LINGO2: variants seen among roughly 807,000 people sequenced by gnomAD.
The protein encoded by LINGO2 is leucine rich repeat and Ig domain containing 2.
In LINGO2, 14 loss-of-function variants were observed where a neutral mutation model predicts 30.6. The ratio of observed to expected loss-of-function variants is 0.46; its 90% confidence interval spans 0.30 to 0.72. The LOEUF (loss-of-function observed/expected upper bound fraction) is 0.72. Among genes scored for constraint, LINGO2 ranks in the 30% least tolerant of loss-of-function variants. LINGO2 has a pLI of 0.07. For missense variants in LINGO2, 729 were observed against 751.7 expected (o/e 0.97, Z 0.35); for synonymous variants, 317 against 288.5 (o/e 1.10, Z -1.00).
chr9:28,225,735 A>G (rs1451154086), intron 4 of LINGO2, among the ~76,000 whole-genome samples: 4 of 152,182 alleles, frequency 2.6e-5, no homozygotes, highest in African/African-American at 9.6e-5. Context: ...AAACCTCATG[A>G]AAATTATAAA....
the LINGO2 span, among the ~76,000 whole-genome samples, chr9:28,714,212 C>T: frequency 6.7e-3 from 929 of 139,356 alleles, 18 homozygotes; most frequent in South Asian, 0.03. Context: ...CACACACATA[C>T]GCACATATAC....
the LINGO2 span, among the ~76,000 whole-genome samples, chr9:28,846,615 T>C: frequency 3.4e-5 from 5 of 147,752 alleles, no homozygotes; most frequent in Admixed American, 3.4e-4. Context: ...CTATCAAGAA[T>C]GTCACTGGAT....
chr9:28,840,318 G>A, the LINGO2 span, among the ~76,000 whole-genome samples: 21 of 151,852 alleles, frequency 1.4e-4, 1 homozygote, highest in African/African-American at 3.9e-4. Context: ...TGCTGCAGCC[G>A]GCATCTTTGC....
chr9:28,056,387 C>T (rs946603978), intron 4 of LINGO2, among the ~76,000 whole-genome samples: 3 of 152,102 alleles, frequency 2.0e-5, no homozygotes, highest in Admixed American at 1.3e-4. Context: ...AGATCACGAC[C>T]CTCATTCTTT....
At chr9:28,298,906 A>G (rs1824029217) in intron 3 of LINGO2, among the ~76,000 whole-genome samples, 1 of 152,212 alleles carries the variant, frequency 6.6e-6, no homozygotes, top group African/African-American at 2.4e-5. Flanking sequence ...AAATTCTAAC[A>G]TGTACAAACG....
chr9:27,994,969 T>G (rs1821585045), intron 5 of LINGO2, among the ~76,000 whole-genome samples: 1 of 152,152 alleles, frequency 6.6e-6, no homozygotes, highest in Admixed American at 6.5e-5. Flanking sequence ...TTTGGCTAAA[T>G]TAGTCACTTG....
chr9:28,425,025 T>C (rs1823347097), intron 2 of LINGO2, among the ~76,000 whole-genome samples: 2 of 152,038 alleles, frequency 1.3e-5, no homozygotes, highest in Non-Finnish European at 2.9e-5. Flanking sequence ...TAATGTCTCA[T>C]GTACAGTAGG....
chr9:28,864,497 T>C, the LINGO2 span, among the ~76,000 whole-genome samples: 1 of 152,136 alleles, frequency 6.6e-6, no homozygotes, highest in Non-Finnish European at 1.5e-5. Context: ...AAAGAAAGGT[T>C]TCATTTATAA....
At chr9:28,581,920 AAT>A (rs1365435196) in intron 1 of LINGO2, among the ~76,000 whole-genome samples, 1 of 151,932 alleles carries the variant, frequency 6.6e-6, no homozygotes, top group African/African-American at 2.4e-5. Flanking sequence ...ATTTTTTATT[AAT>A]GTTAGTCTAA....
the LINGO2 span, among the ~76,000 whole-genome samples, chr9:29,042,939 G>A: frequency 2.6e-5 from 4 of 151,852 alleles, no homozygotes; most frequent in South Asian, 2.1e-4. Flanking sequence ...GGGTGTCAGG[G>A]TAGCAATGGT....
At chr9:28,237,436 C>G (rs1185628253) in intron 4 of LINGO2, among the ~76,000 whole-genome samples, 1 of 152,000 alleles carries the variant, frequency 6.6e-6, no homozygotes, top group Non-Finnish European at 1.5e-5. Flanking sequence ...GAGTAAGTCA[C>G]CACTTATCTG....
chr9:27,980,513 A>G (rs1563877672), intron 5 of LINGO2, among the ~76,000 whole-genome samples: 1 of 151,980 alleles, frequency 6.6e-6, no homozygotes, highest in Non-Finnish European at 1.5e-5. Flanking sequence ...TTTAAAGGGA[A>G]TATCTTCAAT....
At chr9:28,089,084 A>G (rs1301360763) in intron 4 of LINGO2, among the ~76,000 whole-genome samples, 1 of 152,190 alleles carries the variant, frequency 6.6e-6, no homozygotes, top group African/African-American at 2.4e-5. Context: ...AGAGACCTAC[A>G]AAGAGACTTA....
At chr9:28,318,823 C>G (rs963145358) in intron 3 of LINGO2, among the ~76,000 whole-genome samples, 2 of 152,098 alleles carry the variant, frequency 1.3e-5, no homozygotes, top group Non-Finnish European at 2.9e-5. Context: ...TTCTTGGGTG[C>G]TTTCTCTAGG....
rs867187444 is a variant in LINGO2, at chr9:27,973,983, T to C, written c.-35-23277A>G. On this transcript the variant is annotated intron_variant, in intron 5 of 5. Coordinates refer to ENST00000379992, the Ensembl canonical transcript of LINGO2. Reference sequence around the variant, plus strand: ...TTAACTCCACCCTTTTCTCTTCTACTCAAGAGTACAAATGGACTCAAGAGT... The same window carrying C: ...TTAACTCCACCCTTTTCTCTTCTACCCAAGAGTACAAATGGACTCAAGAGT... 2.6e-5 allele frequency among the ~76,000 whole-genome samples: 4 copies of C among 152,250 alleles called. No individual in the cohort carries two copies. The Middle Eastern group carries it at 0.01, about 388-fold the overall frequency.
chr9:28,309,738 C>T (rs1311155640), intron 3 of LINGO2, among the ~76,000 whole-genome samples: 1 of 151,528 alleles, frequency 6.6e-6, no homozygotes, highest in African/African-American at 2.4e-5. Flanking sequence ...AGAAAAGCCA[C>T]AAACCAGGGG....
intron 1 of LINGO2, among the ~76,000 whole-genome samples, chr9:28,523,509 A>G (rs1024999756): frequency 1.3e-5 from 2 of 152,286 alleles, no homozygotes; most frequent in Non-Finnish European, 2.9e-5. Flanking sequence ...AATAAGAAAT[A>G]AAACTAACTG....
intron 1 of LINGO2, among the ~76,000 whole-genome samples, chr9:28,542,116 A>G (rs1821725490): frequency 6.6e-6 from 1 of 152,136 alleles, no homozygotes. Context: ...TGTGATGCCA[A>G]TCAACAAAGC....
intron 5 of LINGO2, among the ~76,000 whole-genome samples, chr9:27,955,816 G>T (rs553638246): frequency 4.3e-4 from 65 of 151,808 alleles, no homozygotes; most frequent in African/African-American, 1.5e-3. Flanking sequence ...GTAGGAATAT[G>T]TATAGTATTT....
Sources: allele counts gnomAD v4.1 joint callset (sites outside exome capture counted in the v4.1 genomes callset), GRCh38; gene constraint gnomAD v4.1.1; transcripts MANE v1.5; gene names NCBI Gene and HGNC (gene_info 2026-07-23, HGNC 2026-07-21).